UNC80: variants seen among roughly 807,000 people sequenced by gnomAD.
UNC80 encodes protein unc-80 homolog.
UNC80 carries 164 observed loss-of-function variants against 384.6 expected under a neutral mutation model. The observed-to-expected ratio is 0.43, with a 90% CI of 0.38 to 0.49. The LOEUF is 0.49. Ranked by LOEUF, UNC80 falls within the 20% of genes least tolerant of loss-of-function variation. UNC80 has a pLI of 0.00. For missense variants in UNC80, 3,330 were observed against 4,143.0 expected (o/e 0.80, Z 5.39); for synonymous variants, 1,486 against 1,527.8 (o/e 0.97, Z 0.64).
At position 209,967,412 on chromosome 2, in the gene UNC80, A is replaced by G. The variant is rs994086600; in HGVS notation, c.7806-25A>G. 3.4e-6 allele frequency: 5 copies of G among 1,456,052 alleles called. No homozygotes were observed. In the Admixed American group the frequency reaches 1.0e-4, roughly 30 times the overall value. The allele number at this position is 1,456,052 out of a possible 1,614,324, so 90.2% of individuals were successfully genotyped here. On this transcript the variant is annotated intron_variant, in intron 51 of 64. Coordinates refer to ENST00000673920, the MANE Select transcript of UNC80 (RefSeq NM_001371986.1). Reference sequence around the variant, plus strand: ...TAATTCTAAGCTTATACTTTAAAATATATATACATATATATATATTTTAGG... The same window carrying G: ...TAATTCTAAGCTTATACTTTAAAATGTATATACATATATATATATTTTAGG...
intron 7 of UNC80, among the ~76,000 whole-genome samples, chr2:209,812,561 G>A (rs964871140): frequency 1.1e-4 from 16 of 152,144 alleles, no homozygotes; most frequent in Non-Finnish European, 2.2e-4. Flanking sequence ...CTAGTTCATG[G>A]TAGGGTACAA....
chr2:209,811,099 A>G (rs553287694), intron 7 of UNC80, among the ~76,000 whole-genome samples: 1 of 152,278 alleles, frequency 6.6e-6, no homozygotes, highest in South Asian at 2.1e-4. Context: ...ATGAAAATCA[A>G]AGTTTTTAGT....
intron 47 of UNC80, among the ~76,000 whole-genome samples, chr2:209,952,700 A>G (rs1001587543): frequency 3.9e-5 from 6 of 152,318 alleles, no homozygotes; most frequent in African/African-American, 1.4e-4. Flanking sequence ...GATATCTGCT[A>G]GCCTTAGCTT....
chr2:209,900,602 G>A (rs1209405383), intron 28 of UNC80, among the ~76,000 whole-genome samples: 1 of 152,148 alleles, frequency 6.6e-6, no homozygotes, highest in Non-Finnish European at 1.5e-5. Context: ...TGGCCTGTAA[G>A]TGTTCAAGTG....
Position 209,894,249 on chromosome 2 carries a change from T to C in UNC80, c.4363T>C (p.Leu1455=). The change falls in exon 27 of 65, where the codon TTG becomes CTG. Residue 1455 remains leucine (L), a synonymous_variant. Transcript: ENST00000673920. ...TTTCCAGGTGAAGAAGGGGGGTTCC[T>C]TGTCCAGCATTCGCCGGGTCGGCAG... ...RSFQVKKGGS[L]SSIRRVGSLK... is the part of the protein sequence containing the mutation. 1.0e-6 allele frequency: 1 copy of C among 985,448 alleles called. No homozygotes were observed. The highest frequency in any genetic ancestry group is 1.2e-6 in the Non-Finnish European group (1 of 829,930). The allele number at this position is 985,448 out of a possible 1,614,324, so 61.0% of individuals were successfully genotyped here.
intron 21 of UNC80, among the ~76,000 whole-genome samples, chr2:209,845,885 A>G (rs933322490): frequency 6.6e-6 from 1 of 152,012 alleles, no homozygotes; most frequent in African/African-American, 2.4e-5. Context: ...ACATCATTCT[A>G]TTTTTGAGCC....
intron 7 of UNC80, among the ~76,000 whole-genome samples, chr2:209,799,358 G>C (rs1199696375): frequency 6.6e-6 from 1 of 152,136 alleles, no homozygotes; most frequent in Non-Finnish European, 1.5e-5. Context: ...GTTCATTCAT[G>C]ATTTGGCTCG....
chr2:209,958,344 G>A (rs1156817339), intron 49 of UNC80, among the ~76,000 whole-genome samples: 1 of 152,084 alleles, frequency 6.6e-6, no homozygotes, highest in Admixed American at 6.5e-5. Flanking sequence ...ATTTAAGATA[G>A]GGCAAACCCA....
chr2:209,791,385 T>C (rs976448771), intron 6 of UNC80, among the ~76,000 whole-genome samples: 2 of 152,104 alleles, frequency 1.3e-5, no homozygotes, highest in Non-Finnish European at 2.9e-5. Context: ...TTTTTGTGCC[T>C]CCCACCACTT....
intron 24 of UNC80, 25 bp downstream of exon 24, chr2:209,878,114 G>T (rs1348322421): frequency 6.6e-7 from 1 of 1,505,114 alleles, no homozygotes; most frequent in East Asian, 2.6e-5. Context: ...TTTACTACAA[G>T]AACCCCTGCT....
At chr2:209,862,649 C>CTTTTTTTTTTTTTTTTTTTTTTTTTTTT (rs71043955) in intron 22 of UNC80, among the ~76,000 whole-genome samples, 1 of 78,824 alleles carries the variant, frequency 1.3e-5, no homozygotes, top group Non-Finnish European at 2.4e-5. Context: ...GCAACCTCTG[C>CTTTTTTTTTTTTTTTTTTTTTTTTTTTT]TTTTTTTTTT....
intron 4 of UNC80, among the ~76,000 whole-genome samples, chr2:209,781,848 G>A (rs2077169009): frequency 6.6e-6 from 1 of 152,030 alleles, no homozygotes; most frequent in Non-Finnish European, 1.5e-5. Context: ...ATAATCCATG[G>A]GAAATTCAAA....
At position 209,816,971 on chromosome 2, in the gene UNC80, G is replaced by A. The variant is rs1170516806; in HGVS notation, c.1398G>A (p.Lys466=). ...KGSIPFHHTG[K]RRPRRMGVPF... is the part of the protein sequence containing the mutation. ...CCATTCCATTCCACCACACAGGCAA[G>A]AGGAGGCCACGGAGAATGGGAGTGC... Residue 466 remains lysine, a synonymous_variant, in exon 10 of 65, where the codon AAG becomes AAA. Coordinates refer to ENST00000673920, the MANE Select transcript of UNC80 (RefSeq NM_001371986.1). The A allele has an allele frequency of 6.4e-7, 1 of 1,551,732 alleles. No individual in the cohort carries two copies. The highest frequency in any genetic ancestry group is 1.2e-5 in the South Asian group (1 of 84,064).
At chr2:209,849,002 AATTTGTACAGCATGCTGTACCC>A (rs2082342153) in intron 21 of UNC80, among the ~76,000 whole-genome samples, 1 of 152,140 alleles carries the variant, frequency 6.6e-6, no homozygotes, top group South Asian at 2.1e-4. Flanking sequence ...GTGCTGTACC[AATTTGTACAGCATGCTGTACCC>A]AATGTACACA....
intron 48 of UNC80, chr2:209,954,548 C>G (rs1043226700): frequency 8.6e-6 from 2 of 231,712 alleles, no homozygotes; most frequent in African/African-American, 4.5e-5. Context: ...CTGAGCTTCT[C>G]CAGCAGTTAT....
rs2125023022 is a variant in UNC80, at chr2:209,982,219, A to C, written c.9159A>C (p.Glu3053Asp). ...TGCCCAGCGTGGTAAGTGAACAAGA[A>C]GCTTACCTCCTGAGTGCCATTGGAA... ...ISMPSVVSEQ[E>D]AYLLSAIGRR... Residue 3053 changes from glutamate to aspartate, a missense_variant, in exon 60 of 65, where the codon GAA (glutamate) becomes GAC (aspartate). By Grantham distance (45) the Glu-to-Asp change is conservative. Around this residue, in one of 8 missense-constraint regions of UNC80, gnomAD observed 216 missense variants for 245.3 expected, o/e 0.88. Transcript: ENST00000673920. 6.4e-7 allele frequency: 1 copy of C among 1,551,598 alleles called. No homozygotes were observed. Among genetic ancestry groups the C allele is most frequent in the Non-Finnish European group, 8.7e-7 (1 of 1,146,938 alleles).
chr2:209,993,454 A>C, intron 63 of UNC80, 28 bp downstream of exon 63: 1 of 1,536,552 alleles, frequency 6.5e-7, no homozygotes, highest in Non-Finnish European at 8.8e-7. Flanking sequence ...CCTTCTGACT[A>C]TACCATTGAC....
chr2:209,780,131 GTAT>G (rs1484349752), intron 4 of UNC80, among the ~76,000 whole-genome samples: 13 of 152,158 alleles, frequency 8.5e-5, no homozygotes, highest in African/African-American at 3.1e-4. Flanking sequence ...CTGGTATTAT[GTAT>G]TATTAGTAGA....
At chr2:209,994,423 A>G (rs1406704365) in intron 64 of UNC80, among the ~76,000 whole-genome samples, 159 bp downstream of exon 64, 3 of 152,184 alleles carry the variant, frequency 2.0e-5, no homozygotes, top group Non-Finnish European at 2.9e-5. Flanking sequence ...AGAAAAATCT[A>G]TATAAAGTAT....
Sources: gnomAD v4.1 joint callset for allele counts (sites outside exome capture counted in the v4.1 genomes callset) on GRCh38, gnomAD v4.1.1 for gene constraint, gnomAD v4.1.1 regional missense constraint, MANE v1.5 for transcripts, NCBI Gene and HGNC (gene_info 2026-07-23, HGNC 2026-07-21) for gene names.